Variants in FHIT observed in about 807,000 individuals in gnomAD.
The protein encoded by FHIT is fragile histidine triad diadenosine triphosphatase.
A neutral mutation model predicts 17.9 loss-of-function variants in FHIT; 19 were observed. The ratio of observed to expected loss-of-function variants is 1.06; its 90% CI spans 0.74 to 1.56. The LOEUF (loss-of-function observed/expected upper bound fraction) is 1.56. Among genes scored for constraint, FHIT ranks in the 40% most tolerant of loss-of-function variants. The pLI is 0.00. For missense variants in FHIT, 248 were observed against 189.2 expected, an observed-to-expected ratio of 1.31 and a Z score of -1.82; for synonymous variants, 81 against 69.7, an observed-to-expected ratio of 1.16 and a Z score of -0.81.
intron 4 of FHIT, among the ~76,000 whole-genome samples, chr3:60,745,110 A>G (rs570344587): frequency 3.3e-5 from 5 of 152,336 alleles, no homozygotes; most frequent in African/African-American, 1.2e-4. Context: ...AAGCAAGTCC[A>G]GAGAAAAGGA....
intron 8 of FHIT, among the ~76,000 whole-genome samples, chr3:59,837,857 G>A (rs1701393296): frequency 6.6e-6 from 1 of 152,024 alleles, no homozygotes; most frequent in South Asian, 2.1e-4. Flanking sequence ...GTGTGGGGGG[G>A]TGGTGTGGGA....
intron 5 of FHIT, among the ~76,000 whole-genome samples, chr3:60,213,142 G>T (rs1464978758): frequency 6.6e-6 from 1 of 152,146 alleles, no homozygotes; most frequent in South Asian, 2.1e-4. Flanking sequence ...CAACTAGAAA[G>T]AGAATTAATT....
At chr3:60,998,674 C>T (rs2030845090) in intron 3 of FHIT, among the ~76,000 whole-genome samples, 1 of 152,046 alleles carries the variant, frequency 6.6e-6, no homozygotes, top group South Asian at 2.1e-4. Flanking sequence ...AAAGGTTTAT[C>T]ATTTACCTTT....
intron 5 of FHIT, among the ~76,000 whole-genome samples, chr3:60,293,274 T>C (rs1191288399): frequency 6.6e-6 from 1 of 152,140 alleles, no homozygotes; most frequent in Non-Finnish European, 1.5e-5. Context: ...CATTGGGGAA[T>C]CTGTGCCCAT....
intron 5 of FHIT, among the ~76,000 whole-genome samples, chr3:60,056,595 C>A (rs1420678842): frequency 6.6e-6 from 1 of 152,202 alleles, no homozygotes; most frequent in African/African-American, 2.4e-5. Flanking sequence ...GTTGTTCTTC[C>A]AGCCAACTCC....
rs35443634 is a variant in FHIT at position 60,656,981 on chromosome 3, C to CA, written c.-17-120003dup. ...GAAAGGGAATTTTTTTATGTCCACACAAAAAAAAACATCCAGGACAAATAA... is the reference window on the plus strand; with the variant it reads ...GAAAGGGAATTTTTTTATGTCCACACAAAAAAAAAACATCCAGGACAAATAA... On this transcript the variant is annotated intron_variant, in intron 4 of 9. Transcript: ENST00000492590. Among the ~76,000 whole-genome samples, 187 of 149,582 alleles carry CA rather than the reference C, an allele frequency of 1.3e-3. 2 individuals are homozygous for CA. Among genetic ancestry groups the CA allele is most frequent in the South Asian group, 5.5e-3 (26 of 4,748 alleles).
At chr3:60,839,027 C>T (rs564047338) in intron 3 of FHIT, among the ~76,000 whole-genome samples, 58 of 152,002 alleles carry the variant, frequency 3.8e-4, no homozygotes, top group Non-Finnish European at 6.5e-4. Context: ...GAATGCCTGG[C>T]TGAGGTATAG....
At chr3:60,431,686 T>C (rs1702912253) in intron 5 of FHIT, among the ~76,000 whole-genome samples, 1 of 152,060 alleles carries the variant, frequency 6.6e-6, no homozygotes. Context: ...GGAGTCTGCA[T>C]TTCCTAAGCA....
chr3:60,228,840 G>T (rs975867375), intron 5 of FHIT, among the ~76,000 whole-genome samples: 2 of 152,144 alleles, frequency 1.3e-5, no homozygotes, highest in Non-Finnish European at 2.9e-5. Flanking sequence ...CCCTACATGA[G>T]CATCCCATAA....
intron 2 of FHIT, among the ~76,000 whole-genome samples, chr3:61,158,290 C>T (rs570431498): frequency 6.6e-6 from 1 of 152,296 alleles, no homozygotes; most frequent in African/African-American, 2.4e-5. Context: ...AACCTCTCAT[C>T]AACAGAACCA....
intron 2 of FHIT, among the ~76,000 whole-genome samples, chr3:61,108,969 T>C (rs2036073557): frequency 1.3e-5 from 2 of 152,210 alleles, no homozygotes; most frequent in Non-Finnish European, 2.9e-5. Flanking sequence ...AGACTAAATC[T>C]ATGTGCCATC....
intron 7 of FHIT, among the ~76,000 whole-genome samples, chr3:59,998,005 C>T (rs571970807): frequency 6.6e-6 from 1 of 152,244 alleles, no homozygotes; most frequent in African/African-American, 2.4e-5. Flanking sequence ...ATAATTAGGA[C>T]AGTTAGCAGT....
At chr3:60,555,069 T>C (rs1016063465) in intron 4 of FHIT, among the ~76,000 whole-genome samples, 6 of 152,212 alleles carry the variant, frequency 3.9e-5, no homozygotes, top group Non-Finnish European at 8.8e-5. Flanking sequence ...GGTACAACCT[T>C]GTAAGAGAAC....
intron 7 of FHIT, among the ~76,000 whole-genome samples, chr3:59,930,966 A>G (rs140589246): frequency 6.6e-6 from 1 of 152,296 alleles, no homozygotes; most frequent in African/African-American, 2.4e-5. Flanking sequence ...ATGGGTGGCC[A>G]AGGTTCAGAT....
intron 1 of FHIT, among the ~76,000 whole-genome samples, chr3:61,239,440 C>T (rs1283140524): frequency 1.3e-5 from 2 of 152,006 alleles, no homozygotes; most frequent in East Asian, 3.9e-4. Flanking sequence ...CTATTAATAC[C>T]AGCTCTTCAT....
At chr3:60,174,604 A>G (rs1005847419) in intron 5 of FHIT, among the ~76,000 whole-genome samples, 8 of 151,926 alleles carry the variant, frequency 5.3e-5, no homozygotes, top group Non-Finnish European at 1.2e-4. Context: ...TCAAGTTGGA[A>G]CCTGATTATA....
intron 5 of FHIT, among the ~76,000 whole-genome samples, chr3:60,045,235 T>A (rs1014735036): frequency 3.0e-4 from 45 of 152,116 alleles, no homozygotes; most frequent in African/African-American, 1.0e-3. Context: ...TAAAATGATG[T>A]ATTATTCTCA....
chr3:60,006,104 A>C (rs1699912575), intron 7 of FHIT, among the ~76,000 whole-genome samples: 1 of 152,168 alleles, frequency 6.6e-6, no homozygotes, highest in Non-Finnish European at 1.5e-5. Flanking sequence ...GTAACTGTGA[A>C]GTACTCTATC....
intron 5 of FHIT, among the ~76,000 whole-genome samples, chr3:60,465,687 A>G (rs956473213): frequency 3.3e-5 from 5 of 152,110 alleles, no homozygotes; most frequent in Admixed American, 1.3e-4. Flanking sequence ...TTTGTTGAAA[A>G]TGAGTTTGCT....
Sources: gnomAD v4.1 joint callset for allele counts (sites outside exome capture counted in the v4.1 genomes callset) on GRCh38, gnomAD v4.1.1 for gene constraint, MANE v1.5 for transcripts, NCBI Gene and HGNC (gene_info 2026-07-23, HGNC 2026-07-21) for gene names.